ACSM3: variants seen among roughly 807,000 people sequenced by gnomAD.
ACSM3 encodes acyl-CoA synthetase medium chain family member 3, also known as acyl-coenzyme A synthetase ACSM3, mitochondrial.
A neutral mutation model predicts 74.1 loss-of-function variants in ACSM3; 61 were observed. The ratio of observed to expected loss-of-function variants is 0.82; its 90% CI spans 0.67 to 1.02. The LOEUF is 1.02. Among genes scored for constraint, ACSM3 ranks in the 50% least tolerant of loss-of-function variants. The pLI is 0.00. For synonymous variants in ACSM3, 213 were observed against 241.5 expected (o/e 0.88, Z 1.09); for missense variants, 660 against 697.0 (o/e 0.95, Z 0.60).
intron 1 of ACSM3, among the ~76,000 whole-genome samples, chr16:20,685,872 G>A (rs1166821512): frequency 1.3e-5 from 2 of 149,460 alleles, no homozygotes; most frequent in Non-Finnish European, 3.0e-5. Flanking sequence ...ATCAGGAGAG[G>A]TTTAGGGGTG....
intron 1 of ACSM3, among the ~76,000 whole-genome samples, chr16:20,695,680 C>A (rs1348565834): frequency 6.6e-6 from 1 of 150,910 alleles, no homozygotes; most frequent in Non-Finnish European, 1.5e-5. Flanking sequence ...ATCTATCTAT[C>A]ATCTATCTAT....
chr16:20,739,831 A>T (rs1481745412), intron 1 of ACSM3, among the ~76,000 whole-genome samples: 3 of 49,754 alleles, frequency 6.0e-5, no homozygotes, highest in Non-Finnish European at 2.5e-4. Flanking sequence ...AAAAAAATTA[A>T]AAAAAAAAAA....
intron 7 of ACSM3, 22 bp downstream of exon 7, chr16:20,781,809 G>C: frequency 6.5e-7 from 1 of 1,540,448 alleles, no homozygotes; most frequent in African/African-American, 1.4e-5. Flanking sequence ...TAGTAAATAG[G>C]CATCTAGTGG....
intron 3 of ACSM3, 143 bp from the exon 4 acceptor site, chr16:20,777,230 G>C: frequency 1.3e-6 from 1 of 789,510 alleles, no homozygotes; most frequent in East Asian, 2.8e-5. Context: ...GCAGATAAGT[G>C]AAAGCAAGAT....
intron 1 of ACSM3, among the ~76,000 whole-genome samples, chr16:20,710,892 C>A (rs1472684815): frequency 1.3e-5 from 2 of 152,110 alleles, no homozygotes; most frequent in Admixed American, 6.6e-5. Flanking sequence ...CGACACCAGC[C>A]TGGCCAACAT....
At chr16:20,776,096 G>C (rs1177895331) in intron 3 of ACSM3, 47 bp downstream of exon 3, 14 of 1,589,408 alleles carry the variant, frequency 8.8e-6, no homozygotes, top group Admixed American at 5.0e-5. Flanking sequence ...AAGCTGGAGG[G>C]GAGATTTTCC....
At chr16:20,779,640 T>C (rs1187083872) in intron 4 of ACSM3, among the ~76,000 whole-genome samples, 1 of 152,112 alleles carries the variant, frequency 6.6e-6, no homozygotes, top group African/African-American at 2.4e-5. Context: ...AGGTTTTCTT[T>C]CTCTTTAACT....
intron 1 of ACSM3, among the ~76,000 whole-genome samples, chr16:20,745,488 A>G (rs2079953783): frequency 6.6e-6 from 1 of 152,156 alleles, no homozygotes; most frequent in African/African-American, 2.4e-5. Context: ...GAGGCTAGAC[A>G]CGAGAGTTGC....
At chr16:20,783,143 C>T (rs1008226124) in intron 7 of ACSM3, 2 of 152,132 alleles carry the variant, frequency 1.3e-5, no homozygotes, top group South Asian at 4.1e-4. Context: ...CATTGAGAGT[C>T]GCCTCATGAG....
chr16:20,688,710 C>G (rs2079598629), intron 1 of ACSM3, among the ~76,000 whole-genome samples: 1 of 151,890 alleles, frequency 6.6e-6, no homozygotes, highest in South Asian at 2.1e-4. Flanking sequence ...AGGGTATTCC[C>G]AGATAAACAA....
At chr16:20,745,361 A>G (rs2079953347) in intron 1 of ACSM3, among the ~76,000 whole-genome samples, 1 of 152,078 alleles carries the variant, frequency 6.6e-6, no homozygotes, top group Non-Finnish European at 1.5e-5. Flanking sequence ...CAAGGAGGGT[A>G]GATCACTTGA....
rs535404012 is a variant in ACSM3, at chr16:20,780,422, T to C, written c.639-292T>C. ...CAGACTCCTTACTCTGCTGGAGGTATGATAAAAATCTCAAGTTTTAAAAAT... is the reference window on the plus strand; with the variant it reads ...CAGACTCCTTACTCTGCTGGAGGTACGATAAAAATCTCAAGTTTTAAAAAT... On this transcript the variant is annotated intron_variant, in intron 4 of 13. Coordinates refer to ENST00000289416, the MANE Select transcript of ACSM3 (RefSeq NM_005622.4). 108 of 565,856 alleles carry C rather than the reference T, an allele frequency of 1.9e-4. 3 individuals are homozygous for C. The East Asian group carries it at 3.3e-3, about 17-fold the overall frequency. The allele number at this position is 565,856 out of a possible 1,614,324, so 35.1% of individuals were successfully genotyped here.
At chr16:20,741,548 G>A in intron 1 of ACSM3, 1 of 1,572,554 alleles carries the variant, frequency 6.4e-7, no homozygotes, top group Non-Finnish European at 8.6e-7. Flanking sequence ...ATTCGTTGAG[G>A]AGGCTGTAGG....
chr16:20,726,317 C>T (rs781405000), intron 1 of ACSM3, among the ~76,000 whole-genome samples: 3 of 152,176 alleles, frequency 2.0e-5, no homozygotes, highest in Non-Finnish European at 2.9e-5. Context: ...AAACTCAATA[C>T]ATGAGGAGAG....
intron 3 of ACSM3, among the ~76,000 whole-genome samples, chr16:20,757,917 G>A (rs1219838890): frequency 7.2e-5 from 11 of 152,134 alleles, no homozygotes; most frequent in Admixed American, 7.2e-4. Context: ...CTTTGGTTCT[G>A]TTTATATGCT....
At chr16:20,775,600 A>G (rs2080245975) in intron 2 of ACSM3, among the ~76,000 whole-genome samples, 1 of 151,356 alleles carries the variant, frequency 6.6e-6, no homozygotes, top group South Asian at 2.1e-4. Flanking sequence ...TCCCTTTGAC[A>G]CTCTATTTGT....
At chr16:20,684,120 T>C (rs964061666) in intron 1 of ACSM3, among the ~76,000 whole-genome samples, 22 of 152,120 alleles carry the variant, frequency 1.4e-4, no homozygotes, top group Admixed American at 1.1e-3. Flanking sequence ...TTCTAATCTA[T>C]ATAGACAAAA....
intron 9 of ACSM3, among the ~76,000 whole-genome samples, chr16:20,786,673 A>G (rs182770185): frequency 1.3e-5 from 2 of 152,336 alleles, no homozygotes; most frequent in African/African-American, 2.4e-5. Flanking sequence ...ACAGAGCAAG[A>G]CCCTGTCTCT....
chr16:20,718,659 C>A (rs2079774292), intron 1 of ACSM3, among the ~76,000 whole-genome samples: 1 of 152,184 alleles, frequency 6.6e-6, no homozygotes, highest in African/African-American at 2.4e-5. Context: ...GTAAATGACA[C>A]AATCTAACCA....
Sources: allele counts gnomAD v4.1 joint callset (sites outside exome capture counted in the v4.1 genomes callset), GRCh38; gene constraint gnomAD v4.1.1; transcripts MANE v1.5; gene names NCBI Gene and HGNC (gene_info 2026-07-23, HGNC 2026-07-21).